Variants in ANO6 observed in about 807,000 individuals in gnomAD.
ANO6 encodes anoctamin-6.
In ANO6, 106 loss-of-function variants were observed where a neutral mutation model predicts 117.5. The ratio of observed to expected loss-of-function variants is 0.90; its 90% CI spans 0.77 to 1.06. ANO6 has a LOEUF of 1.06. ANO6 is among the 50% of genes least tolerant of loss of function. ANO6 has a pLI of 0.00. For synonymous variants in ANO6, 367 were observed against 385.1 expected, an observed-to-expected ratio of 0.95 and a Z score of 0.55; for missense variants, 955 against 1,121.1, an observed-to-expected ratio of 0.85 and a Z score of 2.12.
chr12:45,334,676 A>G (rs1410835745), intron 3 of ANO6, among the ~76,000 whole-genome samples: 1 of 152,050 alleles, frequency 6.6e-6, no homozygotes, highest in Non-Finnish European at 1.5e-5. Flanking sequence ...CAGAATACCT[A>G]AAGAACAAGC....
At chr12:45,313,856 A>G (rs1939927651) in intron 2 of ANO6, among the ~76,000 whole-genome samples, 1 of 152,116 alleles carries the variant, frequency 6.6e-6, no homozygotes, top group Non-Finnish European at 1.5e-5. Context: ...GTTATGTACT[A>G]TTTTGAGTAA....
chr12:45,237,268 G>A (rs927259235), intron 1 of ANO6, among the ~76,000 whole-genome samples: 1 of 152,194 alleles, frequency 6.6e-6, no homozygotes, highest in Non-Finnish European at 1.5e-5. Flanking sequence ...TGTTGCCATT[G>A]CTTCTGGTGT....
intron 1 of ANO6, among the ~76,000 whole-genome samples, chr12:45,236,600 T>C (rs1422877702): frequency 6.6e-6 from 1 of 152,262 alleles, no homozygotes; most frequent in East Asian, 1.9e-4. Context: ...GGTGTATATG[T>C]GCCACATTTT....
At chr12:45,239,584 G>C (rs1042552490) in intron 1 of ANO6, among the ~76,000 whole-genome samples, 7 of 151,238 alleles carry the variant, frequency 4.6e-5, no homozygotes, top group Admixed American at 2.6e-4. Context: ...CTTGTCTTCT[G>C]CTAGCTTTTG....
intron 9 of ANO6, among the ~76,000 whole-genome samples, chr12:45,375,069 CAG>C (rs1055964631): frequency 2.0e-5 from 3 of 151,938 alleles, no homozygotes; most frequent in East Asian, 3.9e-4. Flanking sequence ...AACATACAAA[CAG>C]AGAGCCAAAT....
At chr12:45,388,051 G>A in intron 10 of ANO6, 110 bp from the exon 11 acceptor site, 1 of 1,390,646 alleles carries the variant, frequency 7.2e-7, no homozygotes, top group Non-Finnish European at 1.0e-6. Context: ...GTTCTTTATA[G>A]CAGTGTGAAA....
intron 1 of ANO6, among the ~76,000 whole-genome samples, chr12:45,293,505 TAAAA>T (rs67790505): frequency 6.0e-5 from 9 of 150,496 alleles, no homozygotes; most frequent in Admixed American, 4.6e-4. Context: ...AATCACTCTT[TAAAA>T]AAAAAAACCT....
In ANO6 at chr12:45,223,532, G is replaced by T. The variant is rs546391488; in HGVS notation, c.70+7141G>T. ...AAGTCTGTCACAAACCCAGAAAGTT[G>T]TTAATGATCCTCTTAGCCCAAAGTG... is the stretch of plus-strand genomic sequence containing the variant. On this transcript the variant is annotated intron_variant, in intron 1 of 19. Coordinates refer to ENST00000320560, the MANE Select transcript of ANO6 (RefSeq NM_001025356.3). Among the ~76,000 whole-genome samples, 282 of 152,270 alleles carry T rather than the reference G, an allele frequency of 1.9e-3. 1 individual carries two copies. Among genetic ancestry groups the T allele is most frequent in the Admixed American group, 2.9e-3 (45 of 15,284 alleles).
chr12:45,357,534 T>C (rs967822625), intron 8 of ANO6, 110 bp downstream of exon 8: 1 of 1,354,052 alleles, frequency 7.4e-7, no homozygotes, highest in Non-Finnish European at 1.0e-6. Flanking sequence ...AGAACATTCA[T>C]TGCTTGGGAT....
chr12:45,280,200 AC>A (rs1938678545), intron 1 of ANO6, among the ~76,000 whole-genome samples: 1 of 152,130 alleles, frequency 6.6e-6, no homozygotes, highest in Non-Finnish European at 1.5e-5. Context: ...AAAAGATAAT[AC>A]GCCCATCTCT....
At chr12:45,277,219 TTA>T in intron 1 of ANO6, among the ~76,000 whole-genome samples, 1 of 152,256 alleles carries the variant, frequency 6.6e-6, no homozygotes, top group East Asian at 1.9e-4. Context: ...GTTTACTTTA[TTA>T]TAACTATGTA....
At position 45,332,651 on chromosome 12, in the gene ANO6, G is replaced by C. The variant is rs570265065; in HGVS notation, c.279+1228G>C. Among the ~76,000 whole-genome samples the C allele has an allele frequency of 4.6e-5, 7 of 152,112 alleles. No homozygotes were observed. The East Asian group carries it at 1.4e-3, about 29-fold the overall frequency. On this transcript the variant is annotated intron_variant, in intron 3 of 19. Coordinates refer to ENST00000320560, the MANE Select transcript of ANO6 (RefSeq NM_001025356.3). ...CAAAAACAGAGTGTTTATTGTTCAC[G>C]TCAAGGTCAAATGTAGCATCCCTGT...
downstream of ANO6, among the ~76,000 whole-genome samples, chr12:45,434,090 G>A (rs1279195126): frequency 6.6e-6 from 1 of 152,118 alleles, no homozygotes; most frequent in East Asian, 1.9e-4. Context: ...GCCTGAGATC[G>A]GTCTTGCCCT....
intron 9 of ANO6, among the ~76,000 whole-genome samples, chr12:45,375,343 G>A (rs1941977578): frequency 6.6e-6 from 1 of 152,062 alleles, no homozygotes; most frequent in Admixed American, 6.6e-5. Flanking sequence ...TCACAGAATT[G>A]GAAAAAACTA....
rs1474729855 is a variant in ANO6 at position 45,431,885 on chromosome 12, T to G, written c.*2574T>G. 1.0e-6 allele frequency: 1 copy of G among 985,318 alleles called. No individual in the cohort carries two copies. Among genetic ancestry groups the G allele is most frequent in the East Asian group, 1.1e-4 (1 of 8,828 alleles). 61.0% of individuals were successfully genotyped at this position (985,318 alleles called of 1,614,324 possible). A position where few individuals can be genotyped will look rare whatever the true frequency, so the allele number is the denominator to read the frequency against. The stretch of plus-strand genomic sequence containing the variant: ...TTTTTAATGCCTGTGAATTTTAGCA[T>G]ATTGAAACATTAGAGCAAATACTCA... On this transcript the variant is annotated 3_prime_UTR_variant, in exon 20 of 20. Coordinates refer to ENST00000320560, the MANE Select transcript of ANO6 (RefSeq NM_001025356.3).
At chr12:45,378,250 G>C in intron 10 of ANO6, 137 bp downstream of exon 10, 1 of 817,212 alleles carries the variant, frequency 1.2e-6, no homozygotes, top group Non-Finnish European at 2.0e-6. Flanking sequence ...TATAACTGAG[G>C]GCATTTATCA....
chr12:45,399,433 A>T (rs191226072), intron 12 of ANO6, among the ~76,000 whole-genome samples: 3 of 151,894 alleles, frequency 2.0e-5, no homozygotes, highest in East Asian at 3.9e-4. Context: ...TGACCTCATG[A>T]TCTGCCCGCC....
intron 1 of ANO6, among the ~76,000 whole-genome samples, chr12:45,298,924 A>C (rs967107290): frequency 1.3e-5 from 2 of 152,174 alleles, no homozygotes; most frequent in African/African-American, 4.8e-5. Flanking sequence ...TTGGGTATCT[A>C]ATCATCTAGG....
intron 2 of ANO6, among the ~76,000 whole-genome samples, chr12:45,307,062 G>C (rs557509523): frequency 2.8e-4 from 42 of 152,158 alleles, no homozygotes; most frequent in African/African-American, 8.7e-4. Context: ...AAGATCGAGA[G>C]AATAATAGAT....
Sources: gnomAD v4.1 joint callset for allele counts (sites outside exome capture counted in the v4.1 genomes callset) on GRCh38, gnomAD v4.1.1 for gene constraint, MANE v1.5 for transcripts, NCBI Gene and HGNC (gene_info 2026-07-23, HGNC 2026-07-21) for gene names.